Variants in UNC13C observed in about 807,000 individuals in gnomAD.
The protein encoded by UNC13C is protein unc-13 homolog C.
UNC13C carries 174 observed loss-of-function variants against 245.4 expected under a neutral mutation model. The ratio of observed to expected loss-of-function variants is 0.71; its 90% CI spans 0.63 to 0.80. The LOEUF (loss-of-function observed/expected upper bound fraction) is 0.80. Among genes scored for constraint, UNC13C ranks in the 30% least tolerant of loss-of-function variants. The pLI is 0.00. For missense variants in UNC13C, 2,829 were observed against 2,602.9 expected (o/e 1.09, Z -1.89); for synonymous variants, 992 against 895.1 (o/e 1.11, Z -1.93).
In UNC13C at chr15:54,246,677, C is replaced by T. The variant is rs1034430700; in HGVS notation, c.3229-3548C>T. ...GTAGAAGATTTGTAAAGTTTAGAAA[C>T]ATTTAAAATAGACTAGCAGCTGATG... On this transcript the variant is annotated intron_variant, in intron 7 of 32. Transcript: ENST00000260323. Among the ~76,000 whole-genome samples the T allele has an allele frequency of 2.6e-4, 37 of 140,316 alleles. 1 individual carries two copies. The East Asian group carries it at 5.2e-3, about 20-fold the overall frequency. The allele number at this position is 140,316 out of a possible 152,430, so 92.1% of individuals were successfully genotyped here. A position where few individuals can be genotyped will look rare whatever the true frequency, so the allele number is the denominator to read the frequency against.
the UNC13C span, among the ~76,000 whole-genome samples, chr15:53,849,175 T>C: frequency 6.6e-6 from 1 of 151,914 alleles, no homozygotes; most frequent in Non-Finnish European, 1.5e-5. Context: ...TTTTCTGCCT[T>C]TTGATGCATT....
At chr15:54,602,139 C>T (rs552051064) in intron 30 of UNC13C, among the ~76,000 whole-genome samples, 1 of 152,298 alleles carries the variant, frequency 6.6e-6, no homozygotes, top group East Asian at 1.9e-4. Context: ...CCTGAAGGGC[C>T]TCTGAGGACC....
intron 19 of UNC13C, among the ~76,000 whole-genome samples, chr15:54,455,205 C>CTCTCTCTCTA (rs1388065398): frequency 1.6e-3 from 31 of 18,958 alleles, no homozygotes; most frequent in African/African-American, 2.3e-3. Flanking sequence ...CTCTCTCTCT[C>CTCTCTCTCTA]TATATATATA....
intron 2 of UNC13C, among the ~76,000 whole-genome samples, chr15:54,105,718 C>G (rs16974113): frequency 0.034 from 5,163 of 152,168 alleles, 280 homozygotes; most frequent in African/African-American, 0.12. Context: ...AAAATCTGAA[C>G]TATGTCCTAA....
chr15:54,125,794 C>A (rs928659635), intron 2 of UNC13C, among the ~76,000 whole-genome samples: 1 of 151,978 alleles, frequency 6.6e-6, no homozygotes, highest in African/African-American at 2.4e-5. Context: ...TCATTATGTG[C>A]CTCTCTGATA....
intron 24 of UNC13C, among the ~76,000 whole-genome samples, chr15:54,516,107 G>T (rs556526693): frequency 4.6e-5 from 7 of 152,320 alleles, no homozygotes; most frequent in African/African-American, 1.7e-4. Flanking sequence ...CCAAAAGTGT[G>T]TGTATGTAGC....
intron 2 of UNC13C, among the ~76,000 whole-genome samples, chr15:54,078,096 A>G (rs1382905463): frequency 6.6e-6 from 1 of 152,136 alleles, no homozygotes. Flanking sequence ...GAATTATTTC[A>G]CTTGATATAA....
At chr15:54,250,498 C>T (rs2036117137) in intron 8 of UNC13C, 54 bp downstream of exon 8, 3 of 1,491,212 alleles carry the variant, frequency 2.0e-6, no homozygotes, top group Non-Finnish European at 1.8e-6. Flanking sequence ...CTTATTCCAT[C>T]TGTTTCATGT....
chr15:53,933,042 C>G, the UNC13C span, among the ~76,000 whole-genome samples: 1 of 152,180 alleles, frequency 6.6e-6, no homozygotes, highest in Non-Finnish European at 1.5e-5. Context: ...ACTTTGATTT[C>G]ATAAGTGACT....
intron 19 of UNC13C, among the ~76,000 whole-genome samples, chr15:54,445,821 C>T (rs1890781589): frequency 6.6e-6 from 1 of 152,150 alleles, no homozygotes; most frequent in Admixed American, 6.5e-5. Context: ...TCAAGTTTGG[C>T]TTTTGTTGCC....
At chr15:53,953,372 C>G in the UNC13C span, among the ~76,000 whole-genome samples, 1 of 152,164 alleles carries the variant, frequency 6.6e-6, no homozygotes, top group Non-Finnish European at 1.5e-5. Flanking sequence ...AGGTGTTTCT[C>G]CTCAGGAGGG....
the UNC13C span, among the ~76,000 whole-genome samples, chr15:53,899,706 A>G: frequency 2.0e-5 from 3 of 152,096 alleles, no homozygotes; most frequent in African/African-American, 2.4e-5. Flanking sequence ...CTGCTATTAC[A>G]GGCATGCGCC....
intron 10 of UNC13C, among the ~76,000 whole-genome samples, chr15:54,291,958 A>G (rs2037309817): frequency 1.3e-5 from 2 of 152,034 alleles, no homozygotes; most frequent in South Asian, 4.1e-4. Context: ...AATACATAGT[A>G]GACACTGGCT....
intron 4 of UNC13C, among the ~76,000 whole-genome samples, chr15:54,230,308 T>C (rs985390558): frequency 6.6e-6 from 1 of 152,128 alleles, no homozygotes; most frequent in African/African-American, 2.4e-5. Context: ...TGATATTTCA[T>C]TGTGGTTTAA....
chr15:54,051,615 C>T (rs976690205), intron 2 of UNC13C, among the ~76,000 whole-genome samples: 14 of 151,582 alleles, frequency 9.2e-5, no homozygotes, highest in African/African-American at 1.9e-4. Context: ...AACTTCATTC[C>T]GTATGTTTCT....
intron 2 of UNC13C, among the ~76,000 whole-genome samples, chr15:54,077,322 C>A (rs1898679179): frequency 6.7e-6 from 1 of 148,364 alleles, no homozygotes; most frequent in African/African-American, 2.5e-5. Flanking sequence ...GCAAGATTTT[C>A]ATTCTTAAAA....
Position 54,013,048 on chromosome 15 carries a change from C to A in UNC13C, c.145C>A (p.Gln49Lys). 6.2e-7 allele frequency: 1 copy of A among 1,613,850 alleles called. No homozygotes were observed. The highest frequency in any genetic ancestry group is 8.5e-7 in the Non-Finnish European group (1 of 1,179,838). Residue 49 changes from glutamine (Q) to lysine (K), a missense_variant, in exon 2 of 33, where the codon CAG (glutamine) becomes AAG (lysine). Coordinates refer to ENST00000260323, the MANE Select transcript of UNC13C (RefSeq NM_001080534.3). ...KKDQDFPTAGQTKSPKFSYTF... is the reference protein window; with the variant it reads ...KKDQDFPTAGKTKSPKFSYTF... ...GGATCAAGACTTCCCCACTGCTGGC[C>A]AGACCAAATCCCCCAAATTTTCTTA...
At chr15:53,965,701 T>C in the UNC13C span, among the ~76,000 whole-genome samples, 1 of 151,998 alleles carries the variant, frequency 6.6e-6, no homozygotes, top group Non-Finnish European at 1.5e-5. Flanking sequence ...TATCTCCCAA[T>C]GCTATCCCTC....
intron 2 of UNC13C, among the ~76,000 whole-genome samples, chr15:54,045,326 A>T (rs1896989441): frequency 6.6e-6 from 1 of 152,150 alleles, no homozygotes; most frequent in Non-Finnish European, 1.5e-5. Context: ...TTCCCCATTG[A>T]ATTTGTTTAA....
Sources: gnomAD v4.1 joint callset for allele counts (sites outside exome capture counted in the v4.1 genomes callset) on GRCh38, gnomAD v4.1.1 for gene constraint, MANE v1.5 for transcripts, NCBI Gene and HGNC (gene_info 2026-07-23, HGNC 2026-07-21) for gene names.